Variants in AMBRA1 observed in about 807,000 individuals in gnomAD.
AMBRA1 encodes autophagy and beclin 1 regulator 1.
Under a neutral mutation model 125.4 loss-of-function variants are expected in AMBRA1, and 47 were observed. The ratio of observed to expected loss-of-function variants is 0.37; its 90% CI spans 0.30 to 0.48. AMBRA1 has a LOEUF of 0.48. Ranked by LOEUF, AMBRA1 falls within the 20% of genes least tolerant of loss-of-function variation. The pLI, the probability that AMBRA1 is intolerant of heterozygous loss-of-function variation, is 0.99. For synonymous variants in AMBRA1, 626 were observed against 655.5 expected (o/e 0.95, Z 0.69); for missense variants, 1,331 against 1,693.4 (o/e 0.79, Z 3.76).
chr11:46,569,009 G>A (rs1231483692), intron 1 of AMBRA1, among the ~76,000 whole-genome samples: 1 of 151,492 alleles, frequency 6.6e-6, no homozygotes, highest in East Asian at 2.0e-4. Context: ...GTTTTGCCAT[G>A]TTGGCCAGGC....
intron 14 of AMBRA1, among the ~76,000 whole-genome samples, chr11:46,424,571 G>A (rs891663567): frequency 6.6e-5 from 10 of 152,238 alleles, no homozygotes; most frequent in African/African-American, 2.2e-4. Context: ...TACTCGCTGG[G>A]CGTGATGGCT....
intron 11 of AMBRA1, among the ~76,000 whole-genome samples, chr11:46,456,530 A>G (rs1314353758): frequency 1.3e-5 from 2 of 152,198 alleles, no homozygotes; most frequent in African/African-American, 4.8e-5. Flanking sequence ...AGGTAGGGAA[A>G]AGGACTGAGG....
chr11:46,585,478 T>C (rs1189396401), intron 1 of AMBRA1, among the ~76,000 whole-genome samples: 1 of 148,486 alleles, frequency 6.7e-6, no homozygotes, highest in Non-Finnish European at 1.5e-5. Flanking sequence ...CCATCCTGGC[T>C]AACATGGTGA....
chr11:46,502,589 A>G (rs1950882762), intron 9 of AMBRA1, among the ~76,000 whole-genome samples: 1 of 152,202 alleles, frequency 6.6e-6, no homozygotes, highest in South Asian at 2.1e-4. Flanking sequence ...GGCTCAGAAG[A>G]GAGCAGGAAC....
chr11:46,428,546 A>T, intron 14 of AMBRA1: 4 of 1,004,314 alleles, frequency 4.0e-6, no homozygotes, highest in Non-Finnish European at 6.0e-6. Context: ...TAGGATCTGC[A>T]GCGATTAGGC....
chr11:46,548,310 C>G lies in AMBRA1; in HGVS notation c.71G>C (p.Gly24Ala). 3.7e-6 allele frequency: 6 copies of G among 1,614,176 alleles called. No individual in the cohort carries two copies. The highest frequency in any genetic ancestry group is 5.1e-6 in the Non-Finnish European group (6 of 1,180,034). ...WGRERGARAM[G>A]AQRLLQELVE... ...CAGCTCCTGCAGAAGCCGCTGAGCT[C>G]CCATGGCCCGAGCACCCCGTTCTCG... Residue 24 changes from glycine to alanine, a missense_variant, in exon 2 of 18, where the codon GGA (glycine) becomes GCA (alanine). By Grantham distance (60) the Gly-to-Ala change is moderately conservative. Transcript: ENST00000683756.
chr11:46,518,746 T>C (rs922870184), intron 7 of AMBRA1, among the ~76,000 whole-genome samples: 2 of 152,188 alleles, frequency 1.3e-5, no homozygotes, highest in African/African-American at 2.4e-5. Context: ...ATTAAAGTAT[T>C]GTGCACTGGA....
chr11:46,497,067 C>T (rs1295012529), intron 9 of AMBRA1, among the ~76,000 whole-genome samples: 1 of 151,804 alleles, frequency 6.6e-6, no homozygotes, highest in Non-Finnish European at 1.5e-5. Context: ...GCCAAGAGTG[C>T]ACCACTGCAT....
In AMBRA1 at chr11:46,455,472, G is replaced by A. The variant is rs571687937; in HGVS notation, c.2522-11874C>T. Reference sequence around the variant, plus strand: ...AAGAGGAGATGCATAACTAGGTAGCGTGCACACAAAGACATTCACAGACAT... The same window carrying A: ...AAGAGGAGATGCATAACTAGGTAGCATGCACACAAAGACATTCACAGACAT... On this transcript the variant is annotated intron_variant, in intron 11 of 17. Coordinates refer to ENST00000683756, the MANE Select transcript of AMBRA1 (RefSeq NM_001387011.1). Among the ~76,000 whole-genome samples the A allele has an allele frequency of 3.9e-5, 6 of 152,264 alleles. No homozygotes were observed. In the South Asian group the frequency reaches 1.0e-3, roughly 26 times the overall value.
In AMBRA1 at chr11:46,534,799, G is replaced by A. The variant is rs368351007; in HGVS notation, c.2072+7146C>T. The stretch of plus-strand genomic sequence containing the variant: ...AGCGATCCTCCCACCTCAGCCCCAC[G>A]AGTAGCTGGGACTACAGGCACATGC... On this transcript the variant is annotated intron_variant, in intron 7 of 17. Transcript: ENST00000683756. Among the ~76,000 whole-genome samples the A allele has an allele frequency of 2.0e-5, 3 of 152,072 alleles. 1 individual carries two copies. Among genetic ancestry groups the A allele is most frequent in the Non-Finnish European group, 4.4e-5 (3 of 68,006 alleles).
intron 7 of AMBRA1, among the ~76,000 whole-genome samples, chr11:46,538,308 T>C (rs566173880): frequency 2.2e-4 from 34 of 152,314 alleles, no homozygotes; most frequent in Admixed American, 2.1e-3. Flanking sequence ...ATGAGAACCC[T>C]GAGTTATTTG....
At chr11:46,444,715 C>CA (rs1447494534) in intron 11 of AMBRA1, among the ~76,000 whole-genome samples, 5 of 152,168 alleles carry the variant, frequency 3.3e-5, no homozygotes, top group Admixed American at 2.6e-4. Context: ...ATCTTGTGAA[C>CA]TGTAGTTTTT....
chr11:46,429,503 C>A (rs1334452494), intron 14 of AMBRA1, among the ~76,000 whole-genome samples: 1 of 152,174 alleles, frequency 6.6e-6, no homozygotes, highest in Non-Finnish European at 1.5e-5. Context: ...TGCTTTCTAG[C>A]TCAAAATGCC....
At chr11:46,547,375 A>T in intron 3 of AMBRA1, 79 bp from the exon 4 acceptor site, 2 of 1,275,168 alleles carry the variant, frequency 1.6e-6, no homozygotes, top group Non-Finnish European at 2.2e-6. Flanking sequence ...ACGACATAGA[A>T]TATTGATGCT....
intron 1 of AMBRA1, among the ~76,000 whole-genome samples, chr11:46,585,199 G>A (rs1480258617): frequency 6.6e-6 from 1 of 151,930 alleles, no homozygotes; most frequent in Non-Finnish European, 1.5e-5. Flanking sequence ...AAGTATCCAG[G>A]GACACAAACA....
At chr11:46,456,664 C>T (rs774118336) in intron 11 of AMBRA1, among the ~76,000 whole-genome samples, 25 of 152,290 alleles carry the variant, frequency 1.6e-4, no homozygotes, top group Non-Finnish European at 3.2e-4. Flanking sequence ...GAAGCACAAG[C>T]GAGTGGAATT....
chr11:46,541,824 G>C (rs1952757779), intron 7 of AMBRA1, 121 bp downstream of exon 7: 2 of 1,334,320 alleles, frequency 1.5e-6, no homozygotes, highest in East Asian at 4.7e-5. Flanking sequence ...GCAATGGCGA[G>C]ATCAGAAGCA....
Position 46,590,042 on chromosome 11 carries a change from C to T in AMBRA1, c.-121+3786G>A, listed in dbSNP as rs142633699. 5.9e-5 allele frequency among the ~76,000 whole-genome samples: 9 copies of T among 152,060 alleles called. No individual in the cohort carries two copies. In the East Asian group the frequency reaches 1.7e-3, roughly 29 times the overall value. On this transcript the variant is annotated intron_variant, in intron 1 of 17. Coordinates refer to ENST00000683756, the MANE Select transcript of AMBRA1 (RefSeq NM_001387011.1). ...TCAAAACAAAAGTTTTATAAGTTTCCTAACACATATTGAAAATATTGTGAA... is the reference window on the plus strand; with the variant it reads ...TCAAAACAAAAGTTTTATAAGTTTCTTAACACATATTGAAAATATTGTGAA...
chr11:46,493,575 A>G, intron 11 of AMBRA1, 33 bp downstream of exon 11: 2 of 1,563,632 alleles, frequency 1.3e-6, no homozygotes, highest in Non-Finnish European at 1.7e-6. Flanking sequence ...TTGGCCCTTC[A>G]CATTTTCAAA....
Sources: gnomAD v4.1 joint callset for allele counts (sites outside exome capture counted in the v4.1 genomes callset) on GRCh38, gnomAD v4.1.1 for gene constraint, MANE v1.5 for transcripts, NCBI Gene and HGNC (gene_info 2026-07-23, HGNC 2026-07-21) for gene names.